The following AGO2 variants were observed in gnomAD, a reference collection of about 807,000 sequenced individuals.
The protein encoded by AGO2 is protein argonaute-2.
Under a neutral mutation model 102.3 loss-of-function variants are expected in AGO2, and 5 were observed. The ratio of observed to expected loss-of-function variants is 0.05; its 90% CI spans 0.03 to 0.10. The LOEUF is 0.10. Ranked by LOEUF, AGO2 falls within the 10% of genes least tolerant of loss-of-function variation. The pLI, the probability that AGO2 is intolerant of heterozygous loss-of-function variation, is 1.00. For synonymous variants in AGO2, 449 were observed against 473.1 expected (o/e 0.95, Z 0.66); for missense variants, 541 against 1,183.7 (o/e 0.46, Z 7.97).
At chr8:140,608,219 T>C (rs1417462543) in intron 1 of AGO2, among the ~76,000 whole-genome samples, 1 of 152,198 alleles carries the variant, frequency 6.6e-6, no homozygotes, top group Non-Finnish European at 1.5e-5. Context: ...AGGTGGATGT[T>C]ACACTTGGCA....
At chr8:140,569,930 G>A (rs932381112) in intron 3 of AGO2, among the ~76,000 whole-genome samples, 2 of 152,208 alleles carry the variant, frequency 1.3e-5, no homozygotes, top group Non-Finnish European at 2.9e-5. Flanking sequence ...CGAGCCTCCA[G>A]GGTAATGGAG....
chr8:140,558,933 GC>G (rs1244555780), intron 6 of AGO2, among the ~76,000 whole-genome samples: 1 of 152,176 alleles, frequency 6.6e-6, no homozygotes, highest in African/African-American at 2.4e-5. Flanking sequence ...CCAGGGGTGG[GC>G]CCCCCATTCT....
chr8:140,555,670 A>T (rs1028679482), intron 10 of AGO2: 2 of 604,376 alleles, frequency 3.3e-6, no homozygotes, highest in Non-Finnish European at 5.3e-6. Context: ...GATAATAAAA[A>T]TTATCTTCTG....
intron 1 of AGO2, among the ~76,000 whole-genome samples, chr8:140,600,175 G>A (rs770644162): frequency 2.6e-5 from 4 of 152,240 alleles, no homozygotes; most frequent in Admixed American, 6.5e-5. Flanking sequence ...TGTGAGCAAC[G>A]ATTAGAAAAG....
At chr8:140,616,504 C>T (rs1330481052) in intron 1 of AGO2, among the ~76,000 whole-genome samples, 3 of 1,294 alleles carry the variant, frequency 2.3e-3, no homozygotes, top group African/African-American at 0.013. Flanking sequence ...TTATAATCAA[C>T]AATTGCTCAT....
At chr8:140,561,478 A>G (rs946518093) in intron 4 of AGO2, among the ~76,000 whole-genome samples, 1 of 152,266 alleles carries the variant, frequency 6.6e-6, no homozygotes, top group Non-Finnish European at 1.5e-5. Context: ...TCTATTAACA[A>G]GGTAGATGCC....
At chr8:140,573,912 G>A (rs934893674) in intron 2 of AGO2, among the ~76,000 whole-genome samples, 1 of 152,198 alleles carries the variant, frequency 6.6e-6, no homozygotes, top group African/African-American at 2.4e-5. Context: ...CCAGAAGAAT[G>A]AGTCCCGGGT....
rs529056171 is a variant in AGO2 at position 140,587,085 on chromosome 8, G to A, written c.23-1774C>T. 4.6e-5 allele frequency among the ~76,000 whole-genome samples: 7 copies of A among 152,252 alleles called. No homozygotes were observed. In the South Asian group the frequency reaches 1.4e-3, roughly 32 times the overall value. On this transcript the variant is annotated intron_variant, in intron 1 of 18. Coordinates refer to ENST00000220592, the MANE Select transcript of AGO2 (RefSeq NM_012154.5). ...CCAGGCCCCTCCACCGGGCCCCCAA[G>A]CAGAGTCCAGGCACAGACGCAGCTC... is the stretch of plus-strand genomic sequence containing the variant.
chr8:140,637,111 G>C (rs1364248229), upstream of AGO2: 2 of 152,248 alleles, frequency 1.3e-5, no homozygotes, highest in Non-Finnish European at 2.9e-5. Flanking sequence ...GTTCCTTCCT[G>C]CAATGGTGCC....
At chr8:140,619,263 G>A (rs1418629879) in intron 1 of AGO2, among the ~76,000 whole-genome samples, 1 of 152,200 alleles carries the variant, frequency 6.6e-6, no homozygotes, top group African/African-American at 2.4e-5. Context: ...ATATTCACGG[G>A]CAACACCAGG....
chr8:140,533,908 T>G (rs973103090), intron 17 of AGO2, among the ~76,000 whole-genome samples: 5 of 152,032 alleles, frequency 3.3e-5, no homozygotes, highest in African/African-American at 7.3e-5. Context: ...CGGTTGGAGA[T>G]CCTTTGAAAT....
chr8:140,520,889 C>T lies in AGO2; in HGVS notation c.*11155G>A, dbSNP rs1456800180. 1 of 152,114 alleles carries T rather than the reference C, an allele frequency of 6.6e-6. No homozygotes were observed. 9.4% of individuals were successfully genotyped at this position (152,114 alleles called of 1,614,324 possible). A position where few individuals can be genotyped will look rare whatever the true frequency, so the allele number is the denominator to read the frequency against. The stretch of plus-strand genomic sequence containing the variant: ...GCTAAAGTATTATTCTAATATAGGG[C>T]AACCTTCGAGCCAGATATTGCAGCA... On this transcript the variant is annotated 3_prime_UTR_variant, in exon 19 of 19. Transcript: ENST00000220592.
intron 1 of AGO2, among the ~76,000 whole-genome samples, chr8:140,618,132 C>CCAAAACGGTGAAACCCCGT (rs1476445778): frequency 6.6e-6 from 1 of 151,950 alleles, no homozygotes; most frequent in Admixed American, 6.6e-5. Context: ...TGAAACCCTG[C>CCAAAACGGTGAAACCCCGT]CAACACGGTG....
rs1430821146 is a variant in AGO2 at position 140,558,106 on chromosome 8, C to T, written c.878+379G>A. Among the ~76,000 whole-genome samples, 10 of 152,210 alleles carry T rather than the reference C, an allele frequency of 6.6e-5. No individual in the cohort carries two copies. The South Asian group carries it at 1.9e-3, about 28-fold the overall frequency. On this transcript the variant is annotated intron_variant, in intron 7 of 18. Transcript: ENST00000220592. ...TCCGGCCTGCGTACCAAACCGTGCT[C>T]TTGCCGTAATGATGGGACACGCGGA...
intron 1 of AGO2, among the ~76,000 whole-genome samples, chr8:140,623,340 G>A (rs1471617148): frequency 2.6e-5 from 4 of 152,016 alleles, no homozygotes; most frequent in East Asian, 1.9e-4. Context: ...GGAATGAAGC[G>A]GTTTGGAAGT....
chr8:140,637,451 T>C (rs1462330533), upstream of AGO2: 1 of 152,290 alleles, frequency 6.6e-6, no homozygotes, highest in Non-Finnish European at 1.5e-5. Flanking sequence ...GAGCGCTGTG[T>C]TGGGGAACTT....
At chr8:140,558,248 G>A (rs1292248178) in intron 7 of AGO2, among the ~76,000 whole-genome samples, 3 of 152,194 alleles carry the variant, frequency 2.0e-5, no homozygotes, top group Non-Finnish European at 2.9e-5. Flanking sequence ...GAAGGAAGAG[G>A]GAGAGAGAGC....
upstream of AGO2, among the ~76,000 whole-genome samples, chr8:140,640,506 C>T (rs1489742489): frequency 6.6e-6 from 1 of 151,994 alleles, no homozygotes; most frequent in Admixed American, 6.6e-5. Context: ...TTTGCCCCAG[C>T]CTGAGGACAG....
intron 2 of AGO2, among the ~76,000 whole-genome samples, chr8:140,582,040 A>G (rs1353112647): frequency 6.6e-6 from 1 of 152,252 alleles, no homozygotes; most frequent in Non-Finnish European, 1.5e-5. Flanking sequence ...CTTTAGATTC[A>G]TAGTGACCAC....
Sources: allele counts gnomAD v4.1 joint callset (sites outside exome capture counted in the v4.1 genomes callset), GRCh38; gene constraint gnomAD v4.1.1; transcripts MANE v1.5; gene names NCBI Gene and HGNC (gene_info 2026-07-23, HGNC 2026-07-21).